CCDC171: variants seen among roughly 807,000 people sequenced by gnomAD.
CCDC171 encodes the protein coiled-coil domain-containing protein 171.
A neutral mutation model predicts 168.2 loss-of-function variants in CCDC171; 177 were observed. That is an observed-to-expected ratio of 1.05 (90% CI 0.93 to 1.19). The LOEUF is 1.19. Among genes scored for constraint, CCDC171 ranks in the 50% most tolerant of loss-of-function variants. The pLI is 0.00. For missense variants in CCDC171, 1,991 were observed against 1,539.0 expected, an observed-to-expected ratio of 1.29 and a Z score of -4.91; for synonymous variants, 687 against 540.8, an observed-to-expected ratio of 1.27 and a Z score of -3.75.
the CCDC171 span, among the ~76,000 whole-genome samples, chr9:16,074,715 C>T: frequency 6.6e-6 from 1 of 152,006 alleles, no homozygotes; most frequent in African/African-American, 2.4e-5. Flanking sequence ...GGCAGAAGAA[C>T]AACAAATGTT....
chr9:15,622,116 A>T (rs929608164), intron 6 of CCDC171, among the ~76,000 whole-genome samples: 1 of 152,110 alleles, frequency 6.6e-6, no homozygotes, highest in Non-Finnish European at 1.5e-5. Context: ...AACAACATAC[A>T]CTGGGTTCTG....
At position 15,728,267 on chromosome 9, in the gene CCDC171, A is replaced by G. The variant is rs1460114233; in HGVS notation, c.1860+231A>G. ...CTCTAAGCTCCACTTTCTGTGCAGG[A>G]CATGCTAATACTACTAGCCAGTATT... On this transcript the variant is annotated intron_variant, in intron 15 of 25. Coordinates refer to ENST00000380701, the MANE Select transcript of CCDC171 (RefSeq NM_173550.4). Among the ~76,000 whole-genome samples, 7 of 152,258 alleles carry G rather than the reference A, an allele frequency of 4.6e-5. No individual in the cohort carries two copies. The East Asian group carries it at 1.3e-3, about 29-fold the overall frequency.
At chr9:15,932,596 T>G (rs531358781) in intron 25 of CCDC171, among the ~76,000 whole-genome samples, 1 of 152,056 alleles carries the variant, frequency 6.6e-6, no homozygotes, top group Non-Finnish European at 1.5e-5. Flanking sequence ...TTAGATACCT[T>G]TTGTTTCTTT....
intron 16 of CCDC171, among the ~76,000 whole-genome samples, chr9:15,736,839 C>G (rs558201206): frequency 1.4e-4 from 21 of 152,046 alleles, no homozygotes; most frequent in Non-Finnish European, 7.4e-5. Flanking sequence ...CCACACCTGG[C>G]TAAGTTTTTG....
At chr9:15,823,755 G>A (rs940516618) in intron 21 of CCDC171, among the ~76,000 whole-genome samples, 13 of 151,958 alleles carry the variant, frequency 8.6e-5, no homozygotes, top group Non-Finnish European at 2.9e-5. Flanking sequence ...ATTTGTCATA[G>A]CAGGAGATTT....
intron 8 of CCDC171, among the ~76,000 whole-genome samples, chr9:15,660,173 A>G (rs905239312): frequency 3.3e-5 from 5 of 152,204 alleles, no homozygotes; most frequent in Admixed American, 6.5e-5. Context: ...CTTTTTACCT[A>G]AAAATTCTCA....
At chr9:15,781,847 C>T (rs544973030) in intron 20 of CCDC171, among the ~76,000 whole-genome samples, 13 of 152,238 alleles carry the variant, frequency 8.5e-5, no homozygotes, top group African/African-American at 1.4e-4. Flanking sequence ...TCATTTGGTC[C>T]TTATAATTAT....
intron 20 of CCDC171, among the ~76,000 whole-genome samples, chr9:15,783,250 C>A (rs1311769171): frequency 1.3e-5 from 2 of 152,142 alleles, no homozygotes; most frequent in South Asian, 2.1e-4. Context: ...GAATTGCATG[C>A]TTGCTGTTGT....
intron 10 of CCDC171, among the ~76,000 whole-genome samples, chr9:15,682,873 A>G (rs1240700373): frequency 6.6e-6 from 1 of 152,048 alleles, no homozygotes; most frequent in Non-Finnish European, 1.5e-5. Context: ...CAACTACTAA[A>G]TAAAACTGAA....
intron 18 of CCDC171, among the ~76,000 whole-genome samples, chr9:15,768,215 C>T (rs1445042677): frequency 6.6e-6 from 1 of 150,588 alleles, no homozygotes; most frequent in Non-Finnish European, 1.5e-5. Flanking sequence ...CCCTAAAATT[C>T]AGCATATTCA....
At chr9:16,042,417 G>T (rs1833587577), upstream of CCDC171, among the ~76,000 whole-genome samples, 1 of 152,206 alleles carries the variant, frequency 6.6e-6, no homozygotes, top group Admixed American at 6.5e-5. Context: ...GGGCTTCTGG[G>T]TAGGACCAGC....
At chr9:15,653,697 C>T (rs2047705185) in intron 7 of CCDC171, among the ~76,000 whole-genome samples, 1 of 152,110 alleles carries the variant, frequency 6.6e-6, no homozygotes. Context: ...CATATCTAGA[C>T]ATTATATAGT....
intron 20 of CCDC171, among the ~76,000 whole-genome samples, chr9:15,783,767 A>G (rs2057792178): frequency 6.6e-6 from 1 of 152,222 alleles, no homozygotes; most frequent in African/African-American, 2.4e-5. Context: ...CCTCCAAAGC[A>G]GTCATGATAT....
chr9:15,744,947 A>T (rs1383802793), intron 17 of CCDC171, among the ~76,000 whole-genome samples, 170 bp downstream of exon 17: 1 of 152,242 alleles, frequency 6.6e-6, no homozygotes, highest in African/African-American at 2.4e-5. Flanking sequence ...ATATTTTTGT[A>T]TAAATTAGGC....
intron 20 of CCDC171, among the ~76,000 whole-genome samples, chr9:15,781,365 G>A (rs895853102): frequency 1.3e-5 from 2 of 152,126 alleles, no homozygotes; most frequent in African/African-American, 2.4e-5. Flanking sequence ...TTGAGGAAGT[G>A]CAGGAATAAA....
At chr9:15,788,718 T>TA (rs921813713) in intron 21 of CCDC171, among the ~76,000 whole-genome samples, 1 of 152,086 alleles carries the variant, frequency 6.6e-6, no homozygotes, top group East Asian at 1.9e-4. Flanking sequence ...CCCTGCTAAT[T>TA]AAAAAAATTT....
chr9:15,837,993 C>T (rs956329852), intron 21 of CCDC171, among the ~76,000 whole-genome samples: 1 of 151,972 alleles, frequency 6.6e-6, no homozygotes, highest in Non-Finnish European at 1.5e-5. Flanking sequence ...AAAACAATTA[C>T]TGAGTTCAAT....
chr9:15,632,141 A>G (rs927300300), intron 7 of CCDC171, among the ~76,000 whole-genome samples: 16 of 151,180 alleles, frequency 1.1e-4, no homozygotes, highest in Non-Finnish European at 1.9e-4. Context: ...CACCACTCCT[A>G]TTCAACATAG....
At chr9:15,576,133 TTGTGTGTGTGTG>T (rs202239015) in intron 3 of CCDC171, among the ~76,000 whole-genome samples, 6 of 145,422 alleles carry the variant, frequency 4.1e-5, no homozygotes, top group East Asian at 2.0e-4. Flanking sequence ...CATATTTCAG[TTGTGTGTGTGTG>T]TGTGTGTGTG....
Sources: gnomAD v4.1 joint callset for allele counts (sites outside exome capture counted in the v4.1 genomes callset) on GRCh38, gnomAD v4.1.1 for gene constraint, MANE v1.5 for transcripts, NCBI Gene and HGNC (gene_info 2026-07-23, HGNC 2026-07-21) for gene names.